Variants in LTBP1 observed in about 807,000 individuals in gnomAD.
The protein encoded by LTBP1 is latent transforming growth factor beta binding protein 1.
A neutral mutation model predicts 207.6 loss-of-function variants in LTBP1; 129 were observed. That is an observed-to-expected ratio of 0.62 (90% CI 0.54 to 0.72). LTBP1 has a LOEUF of 0.72. Among genes scored for constraint, LTBP1 ranks in the 30% least tolerant of loss-of-function variants. The probability of loss-of-function intolerance (pLI) is 0.00; values close to 1 mark genes in which losing one functional copy is unlikely to be tolerated. For missense variants in LTBP1, 2,281 were observed against 2,217.2 expected, an observed-to-expected ratio of 1.03 and a Z score of -0.58; for synonymous variants, 963 against 833.7, an observed-to-expected ratio of 1.16 and a Z score of -2.67.
chr2:33,080,732 C>A (rs1368732806), intron 3 of LTBP1, among the ~76,000 whole-genome samples: 1 of 152,142 alleles, frequency 6.6e-6, no homozygotes, highest in Non-Finnish European at 1.5e-5. Flanking sequence ...AAAAGTTATA[C>A]TGGATGCACT....
intron 7 of LTBP1, among the ~76,000 whole-genome samples, chr2:33,200,688 C>T (rs2089137836): frequency 6.6e-6 from 1 of 152,044 alleles, no homozygotes; most frequent in Non-Finnish European, 1.5e-5. Context: ...AGTGAACAGG[C>T]AACCTACAAA....
chr2:33,121,535 A>C (rs568341346), intron 4 of LTBP1, among the ~76,000 whole-genome samples: 2 of 152,028 alleles, frequency 1.3e-5, no homozygotes, highest in Non-Finnish European at 2.9e-5. Flanking sequence ...TGTTTAACCA[A>C]CACCCCTTAA....
chr2:33,044,106 A>G (rs764333114), intron 3 of LTBP1, among the ~76,000 whole-genome samples: 7 of 150,554 alleles, frequency 4.6e-5, no homozygotes, highest in Non-Finnish European at 8.9e-5. Flanking sequence ...TTTATGAAAT[A>G]GAGTTGTTAA....
intron 24 of LTBP1, among the ~76,000 whole-genome samples, chr2:33,333,858 T>A: frequency 6.9e-6 from 1 of 144,254 alleles, no homozygotes; most frequent in African/African-American, 2.6e-5. Context: ...CCAAGAGAGA[T>A]CATAGAATGA....
chr2:33,031,365 C>T (rs1420746573), intron 3 of LTBP1, among the ~76,000 whole-genome samples: 1 of 152,216 alleles, frequency 6.6e-6, no homozygotes, highest in Non-Finnish European at 1.5e-5. Context: ...CTCAGTCCTC[C>T]TGGCCCCCAG....
chr2:33,075,080 G>A (rs567976880), intron 3 of LTBP1, among the ~76,000 whole-genome samples: 14 of 151,872 alleles, frequency 9.2e-5, no homozygotes, highest in Admixed American at 5.2e-4. Context: ...AACAAAAAAT[G>A]GATAAAAAAA....
chr2:33,041,688 A>G (rs936008076), intron 3 of LTBP1, among the ~76,000 whole-genome samples: 1 of 152,212 alleles, frequency 6.6e-6, no homozygotes, highest in Non-Finnish European at 1.5e-5. Flanking sequence ...AACACCTGCT[A>G]TGTGTCAACC....
At position 33,072,094 on chromosome 2, in the gene LTBP1, G is replaced by A. The variant is rs60399755; in HGVS notation, c.864-38488G>A. 1.4e-3 allele frequency among the ~76,000 whole-genome samples: 208 copies of A among 152,290 alleles called. 1 individual carries two copies. The highest frequency in any genetic ancestry group is 4.9e-3 in the African/African-American group (203 of 41,572). On this transcript the variant is annotated intron_variant, in intron 3 of 33. Coordinates refer to ENST00000404816, the MANE Select transcript of LTBP1 (RefSeq NM_206943.4). ...CCTCTGGAACTTCTGACCAACCAGT[G>A]TCAAGTTGGGGTTCCCATGATCTGC...
At chr2:33,147,581 C>T (rs973226024) in intron 5 of LTBP1, among the ~76,000 whole-genome samples, 2 of 152,230 alleles carry the variant, frequency 1.3e-5, no homozygotes, top group African/African-American at 4.8e-5. Context: ...AAAAGAGACT[C>T]AACCATATCA....
At chr2:32,981,837 A>G (rs1277693078) in intron 2 of LTBP1, among the ~76,000 whole-genome samples, 2 of 152,176 alleles carry the variant, frequency 1.3e-5, no homozygotes, top group East Asian at 3.9e-4. Flanking sequence ...GCCATGTAAG[A>G]CGTGCTTTTG....
intron 25 of LTBP1, among the ~76,000 whole-genome samples, chr2:33,344,577 T>G (rs1399153682): frequency 6.6e-6 from 1 of 152,176 alleles, no homozygotes; most frequent in Non-Finnish European, 1.5e-5. Flanking sequence ...AGGTTCAGTG[T>G]CATCTTCCAG....
chr2:33,141,135 CAG>C (rs2082617079), intron 5 of LTBP1, among the ~76,000 whole-genome samples: 3 of 152,208 alleles, frequency 2.0e-5, no homozygotes, highest in South Asian at 4.1e-4. Context: ...ATTACAAAAA[CAG>C]TGTGGCTACA....
Position 33,360,643 on chromosome 2 carries a change from C to T in LTBP1, c.4047C>T (p.Cys1349=). 6.2e-7 allele frequency: 1 copy of T among 1,613,680 alleles called. No homozygotes were observed. The highest frequency in any genetic ancestry group is 1.3e-5 in the African/African-American group (1 of 75,012). The change falls in exon 27 of 34, where the codon TGC becomes TGT. Residue 1349 remains cysteine (C), a synonymous_variant. Transcript: ENST00000404816. ...AACCCAAAGAAGAAAAGAAAGAATG[C>T]TACTATAATCTCAATGACGCCAGTC... The part of the protein sequence containing the change: ...VDQPKEEKKE[C]YYNLNDASLC...
chr2:32,994,716 C>T (rs1227694922), intron 2 of LTBP1, among the ~76,000 whole-genome samples: 1 of 152,196 alleles, frequency 6.6e-6, no homozygotes, highest in African/African-American at 2.4e-5. Flanking sequence ...ATCCACCCAC[C>T]TCGCCCTCCC....
At chr2:33,094,632 T>C (rs901260753) in intron 3 of LTBP1, among the ~76,000 whole-genome samples, 1 of 152,190 alleles carries the variant, frequency 6.6e-6, no homozygotes, top group Non-Finnish European at 1.5e-5. Context: ...CATAAAGTCA[T>C]TTACTGTAAT....
intron 3 of LTBP1, among the ~76,000 whole-genome samples, chr2:33,069,146 A>T (rs887446202): frequency 3.3e-5 from 5 of 152,152 alleles, no homozygotes; most frequent in African/African-American, 1.2e-4. Context: ...AGCACAATAC[A>T]TGACTGTTGA....
intron 9 of LTBP1, among the ~76,000 whole-genome samples, chr2:33,226,662 A>C (rs951584637): frequency 6.6e-6 from 1 of 152,194 alleles, no homozygotes; most frequent in South Asian, 2.1e-4. Flanking sequence ...TCTAGAAAAT[A>C]AGTGGGGAGT....
At chr2:33,300,334 C>T in intron 20 of LTBP1, 117 bp from the exon 21 acceptor site, 1 of 946,890 alleles carries the variant, frequency 1.1e-6, no homozygotes, top group Non-Finnish European at 1.6e-6. Context: ...GTGTGTAGTG[C>T]CAGACATAAG....
chr2:33,256,090 T>A (rs1318671936), intron 11 of LTBP1, among the ~76,000 whole-genome samples: 3 of 151,832 alleles, frequency 2.0e-5, no homozygotes, highest in Non-Finnish European at 4.4e-5. Flanking sequence ...TTTTTTTTTT[T>A]AAAGAATACA....
Sources: allele counts gnomAD v4.1 joint callset (sites outside exome capture counted in the v4.1 genomes callset), GRCh38; gene constraint gnomAD v4.1.1; transcripts MANE v1.5; gene names NCBI Gene and HGNC (gene_info 2026-07-23, HGNC 2026-07-21).